CDH13: variants seen among roughly 807,000 people sequenced by gnomAD.
CDH13 encodes the protein cadherin-13.
Under a neutral mutation model 63.8 loss-of-function variants are expected in CDH13, and 24 were observed. The observed-to-expected ratio is 0.38, with a 90% confidence interval of 0.27 to 0.53. The LOEUF is 0.53. CDH13 is among the 20% of genes least tolerant of loss of function. The pLI, the probability that CDH13 is intolerant of heterozygous loss-of-function variation, is 0.85. For missense variants in CDH13, 1,049 were observed against 903.1 expected (o/e 1.16, Z -2.07); for synonymous variants, 503 against 355.3 (o/e 1.42, Z -4.67).
chr16:82,748,098 C>G lies in CDH13; in HGVS notation c.46-110264C>G, dbSNP rs532374291. Among the ~76,000 whole-genome samples, 4 of 152,266 alleles carry G rather than the reference C, an allele frequency of 2.6e-5. No homozygotes were observed. In the South Asian group the frequency reaches 6.2e-4, roughly 24 times the overall value. On this transcript the variant is annotated intron_variant, in intron 1 of 13. Transcript: ENST00000567109. ...CTTGCTTGTTCTCTTTGCCCCCAGT[C>G]TCCTATTTGACAGAGCAGCTGCACT...
chr16:83,301,480 C>A (rs192446437), intron 5 of CDH13, among the ~76,000 whole-genome samples: 1 of 152,048 alleles, frequency 6.6e-6, no homozygotes, highest in Non-Finnish European at 1.5e-5. Context: ...TTTTTCTCTC[C>A]GTGATGCTGC....
At chr16:83,378,244 A>T (rs974107204) in intron 6 of CDH13, among the ~76,000 whole-genome samples, 1 of 152,168 alleles carries the variant, frequency 6.6e-6, no homozygotes, top group Non-Finnish European at 1.5e-5. Context: ...CAAAACAACA[A>T]CTGAGAATCT....
chr16:83,559,877 A>G (rs2075671409), intron 7 of CDH13, among the ~76,000 whole-genome samples: 1 of 152,200 alleles, frequency 6.6e-6, no homozygotes, highest in Admixed American at 6.5e-5. Context: ...AGAAAGAATT[A>G]GTTTCCTAAT....
At chr16:82,728,753 T>C (rs1172260219) in intron 1 of CDH13, among the ~76,000 whole-genome samples, 2 of 152,162 alleles carry the variant, frequency 1.3e-5, no homozygotes, top group Non-Finnish European at 2.9e-5. Flanking sequence ...TGACTGTTTC[T>C]TTTACAAAAA....
intron 5 of CDH13, among the ~76,000 whole-genome samples, chr16:83,227,036 C>T (rs2039861677): frequency 6.6e-6 from 1 of 152,230 alleles, no homozygotes; most frequent in Admixed American, 6.5e-5. Context: ...TCCTCCTACG[C>T]TGGGACCCTG....
At chr16:83,724,928 TA>T (rs1910202476) in intron 10 of CDH13, among the ~76,000 whole-genome samples, 1 of 152,188 alleles carries the variant, frequency 6.6e-6, no homozygotes, top group Non-Finnish European at 1.5e-5. Context: ...GGGACTCCCT[TA>T]TTGGTGTCCT....
At chr16:83,022,435 G>A (rs1915428739) in intron 2 of CDH13, among the ~76,000 whole-genome samples, 1 of 152,216 alleles carries the variant, frequency 6.6e-6, no homozygotes, top group Admixed American at 6.5e-5. Context: ...ACTTCTGAGA[G>A]CTGGTAAAAA....
intron 10 of CDH13, among the ~76,000 whole-genome samples, chr16:83,704,993 C>G (rs926823234): frequency 1.3e-5 from 2 of 152,186 alleles, no homozygotes; most frequent in Admixed American, 6.5e-5. Context: ...CTGGCAACAT[C>G]CAAGAATAAG....
intron 4 of CDH13, among the ~76,000 whole-genome samples, chr16:83,133,940 C>A (rs181138768): frequency 3.0e-4 from 46 of 152,324 alleles, no homozygotes; most frequent in Admixed American, 6.5e-4. Context: ...GGGCCTAACA[C>A]AGAGTAGCGA....
chr16:82,779,780 C>G (rs2035665219), intron 1 of CDH13, among the ~76,000 whole-genome samples: 1 of 151,986 alleles, frequency 6.6e-6, no homozygotes, highest in Non-Finnish European at 1.5e-5. Flanking sequence ...ATCTGTGTAG[C>G]AGGTAGTGGT....
chr16:83,338,119 TG>T (rs144419988), intron 5 of CDH13, among the ~76,000 whole-genome samples: 2,682 of 144,246 alleles, frequency 0.019, 33 homozygotes, highest in South Asian at 0.039. Context: ...TTAAGCCAAA[TG>T]AGACAGTGCA....
chr16:82,960,061 T>C (rs572505279), intron 2 of CDH13, among the ~76,000 whole-genome samples: 1 of 152,360 alleles, frequency 6.6e-6, no homozygotes, highest in East Asian at 1.9e-4. Flanking sequence ...GATGCAATCC[T>C]ATTCATGTTT....
intron 7 of CDH13, among the ~76,000 whole-genome samples, chr16:83,549,862 G>T (rs2075458150): frequency 6.6e-6 from 1 of 152,156 alleles, no homozygotes; most frequent in Non-Finnish European, 1.5e-5. Flanking sequence ...ACTGTTGGTG[G>T]CAGGAGGTGA....
intron 2 of CDH13, among the ~76,000 whole-genome samples, chr16:82,915,262 G>C (rs1597205800): frequency 6.6e-6 from 1 of 152,186 alleles, no homozygotes; most frequent in South Asian, 2.1e-4. Context: ...AATATCGCAA[G>C]AGTCTAATGT....
intron 11 of CDH13, among the ~76,000 whole-genome samples, chr16:83,751,441 AAT>A (rs1491387332): frequency 1.4e-4 from 21 of 150,294 alleles, no homozygotes; most frequent in Non-Finnish European, 1.3e-4. Context: ...CTAAAAAAAA[AAT>A]ATACCTCCCC....
rs752602655 is a variant in CDH13 at position 83,780,011 on chromosome 16, G to T, written c.1725G>T (p.Leu575=). 1 of 1,613,892 alleles carries T rather than the reference G, an allele frequency of 6.2e-7. No individual in the cohort carries two copies. The highest frequency in any genetic ancestry group is 1.1e-5 in the South Asian group (1 of 91,074). The part of the protein sequence containing the change: ...ATGTGTLLIT[L]EDVNDNAPFI... ...GCACTGGGACTTTGCTGATAACCCT[G>T]GAGGACGTGAATGACAATGCCCCGT... The change falls in exon 12 of 14, where the codon CTG becomes CTT. Residue 575 remains leucine, a synonymous_variant. Transcript: ENST00000567109.
chr16:82,663,127 G>C (rs1400955175), intron 1 of CDH13, among the ~76,000 whole-genome samples: 1 of 152,224 alleles, frequency 6.6e-6, no homozygotes. Flanking sequence ...GCAGGCTGCA[G>C]TGGGCTTGAA....
chr16:82,743,506 A>G (rs1308183579), intron 1 of CDH13, among the ~76,000 whole-genome samples: 1 of 152,230 alleles, frequency 6.6e-6, no homozygotes, highest in Non-Finnish European at 1.5e-5. Flanking sequence ...GGCATTAGCC[A>G]CTGCACCCAT....
intron 5 of CDH13, among the ~76,000 whole-genome samples, chr16:83,296,852 G>A (rs537201877): frequency 2.0e-5 from 3 of 152,212 alleles, no homozygotes; most frequent in East Asian, 1.9e-4. Flanking sequence ...TTCCAAGGGA[G>A]AAAGGGTGCT....
Sources: allele counts gnomAD v4.1 joint callset (sites outside exome capture counted in the v4.1 genomes callset), GRCh38; gene constraint gnomAD v4.1.1; transcripts MANE v1.5; gene names NCBI Gene and HGNC (gene_info 2026-07-23, HGNC 2026-07-21).